CCSER1: variants seen among roughly 807,000 people sequenced by gnomAD.
CCSER1 encodes coiled-coil serine rich protein 1.
In CCSER1, 41 loss-of-function variants were observed where a neutral mutation model predicts 82.0. The observed-to-expected ratio is 0.50, with a 90% CI of 0.39 to 0.65. The LOEUF (loss-of-function observed/expected upper bound fraction) is 0.65. Among genes scored for constraint, CCSER1 ranks in the 30% least tolerant of loss-of-function variants. CCSER1 has a pLI of 0.00. For missense variants in CCSER1, 1,119 were observed against 1,064.2 expected, an observed-to-expected ratio of 1.05 and a Z score of -0.72; for synonymous variants, 414 against 383.9, an observed-to-expected ratio of 1.08 and a Z score of -0.92.
chr4:90,535,503 T>G (rs949817720), intron 5 of CCSER1, among the ~76,000 whole-genome samples: 1 of 152,164 alleles, frequency 6.6e-6, no homozygotes, highest in Non-Finnish European at 1.5e-5. Flanking sequence ...TTAAAGAGAA[T>G]TTTTTTAAAG....
intron 10 of CCSER1, among the ~76,000 whole-genome samples, chr4:91,408,969 C>T (rs1347632176): frequency 1.3e-5 from 2 of 152,106 alleles, no homozygotes; most frequent in East Asian, 1.9e-4. Context: ...TGATCACAAC[C>T]TCTGTGTCTT....
intron 10 of CCSER1, among the ~76,000 whole-genome samples, chr4:91,282,038 TA>T (rs925029397): frequency 9.2e-5 from 14 of 152,186 alleles, no homozygotes; most frequent in Admixed American, 3.9e-4. Context: ...CTTACAAAGT[TA>T]AAAAAAACTT....
chr4:90,355,067 A>G (rs1411591122), intron 3 of CCSER1, among the ~76,000 whole-genome samples: 1 of 152,058 alleles, frequency 6.6e-6, no homozygotes, highest in Non-Finnish European at 1.5e-5. Context: ...CAAATAGTTT[A>G]TTTCCTAAGA....
At chr4:91,418,303 T>TA (rs142070235) in intron 10 of CCSER1, among the ~76,000 whole-genome samples, 18,030 of 113,492 alleles carry the variant, frequency 0.16, 1,693 homozygotes, top group Middle Eastern at 0.24. Context: ...ATTTTTTAAT[T>TA]AAAAAAAAAA....
intron 10 of CCSER1, among the ~76,000 whole-genome samples, chr4:91,332,954 G>A (rs1000480422): frequency 6.6e-6 from 1 of 151,966 alleles, no homozygotes; most frequent in Admixed American, 6.6e-5. Flanking sequence ...TAAATTCACT[G>A]TCTCACATGC....
intron 5 of CCSER1, among the ~76,000 whole-genome samples, chr4:90,615,208 G>C (rs186125196): frequency 6.6e-6 from 1 of 152,248 alleles, no homozygotes; most frequent in African/African-American, 2.4e-5. Flanking sequence ...GGTCAACCAA[G>C]CATTCTGATG....
rs59808335 is a variant in CCSER1, at chr4:91,175,766, C to T, written c.2217+89772C>T. Among the ~76,000 whole-genome samples the T allele has an allele frequency of 4.4e-3, 677 of 152,268 alleles. 6 individuals carry two copies. The highest frequency in any genetic ancestry group is 0.016 in the African/African-American group (646 of 41,558). ...TAGATGGTAAAAATTTTCTCCCATT[C>T]TGTAGGTTGCCTATTCACTCTGATG... On this transcript the variant is annotated intron_variant, in intron 10 of 10. Coordinates refer to ENST00000509176, the MANE Select transcript of CCSER1 (RefSeq NM_001145065.2).
At chr4:90,377,022 T>G (rs1371593906) in intron 3 of CCSER1, among the ~76,000 whole-genome samples, 1 of 152,138 alleles carries the variant, frequency 6.6e-6, no homozygotes, top group East Asian at 1.9e-4. Context: ...TGTGCAAGTA[T>G]CATCTAGTTC....
chr4:90,967,528 T>C (rs1316656216), intron 9 of CCSER1, among the ~76,000 whole-genome samples: 1 of 152,016 alleles, frequency 6.6e-6, no homozygotes, highest in African/African-American at 2.4e-5. Flanking sequence ...GTTGGACACC[T>C]ACCTCACAAC....
chr4:91,006,421 G>A (rs1407495670), intron 9 of CCSER1, among the ~76,000 whole-genome samples: 1 of 151,064 alleles, frequency 6.6e-6, no homozygotes, highest in Admixed American at 6.6e-5. Context: ...TATATAAAAT[G>A]ATGTCATCTG....
chr4:90,220,444 A>G (rs1741926816), intron 1 of CCSER1, among the ~76,000 whole-genome samples: 1 of 151,358 alleles, frequency 6.6e-6, no homozygotes, highest in Non-Finnish European at 1.5e-5. Flanking sequence ...ACATGAATAT[A>G]TATTTCTTTT....
At chr4:91,434,886 GT>G (rs1406987752) in intron 10 of CCSER1, among the ~76,000 whole-genome samples, 1 of 152,152 alleles carries the variant, frequency 6.6e-6, no homozygotes, top group African/African-American at 2.4e-5. Flanking sequence ...ACATCAGATA[GT>G]TTTATGAGTC....
intron 5 of CCSER1, among the ~76,000 whole-genome samples, chr4:90,622,532 C>T (rs1023893836): frequency 6.6e-6 from 1 of 151,944 alleles, no homozygotes; most frequent in Admixed American, 6.6e-5. Context: ...GTTTTTTTGT[C>T]CTTGCGATAG....
intron 9 of CCSER1, among the ~76,000 whole-genome samples, chr4:91,027,730 G>A (rs1740618593): frequency 6.6e-6 from 1 of 151,972 alleles, no homozygotes; most frequent in African/African-American, 2.4e-5. Context: ...ATTTTAGTGA[G>A]GCATATTGCC....
chr4:90,296,247 G>C (rs1269297505), intron 1 of CCSER1, among the ~76,000 whole-genome samples: 1 of 152,072 alleles, frequency 6.6e-6, no homozygotes, highest in Non-Finnish European at 1.5e-5. Context: ...TGCAGTCAAA[G>C]TGATCAATGT....
chr4:90,852,178 A>G (rs1322525592), intron 8 of CCSER1, among the ~76,000 whole-genome samples: 1 of 152,214 alleles, frequency 6.6e-6, no homozygotes, highest in Non-Finnish European at 1.5e-5. Context: ...TAGGACTGAG[A>G]TAAAACAACT....
At chr4:91,008,889 A>G (rs922071621) in intron 9 of CCSER1, among the ~76,000 whole-genome samples, 2 of 152,162 alleles carry the variant, frequency 1.3e-5, no homozygotes, top group Admixed American at 1.3e-4. Flanking sequence ...ATCTTGGGCC[A>G]TGTGGTGAGT....
At chr4:90,978,659 G>A (rs1295690862) in intron 9 of CCSER1, among the ~76,000 whole-genome samples, 1 of 151,730 alleles carries the variant, frequency 6.6e-6, no homozygotes, top group Non-Finnish European at 1.5e-5. Context: ...CTCAAAATTA[G>A]ATTTTGTGAT....
chr4:91,198,251 C>G (rs562332133), intron 10 of CCSER1, among the ~76,000 whole-genome samples: 1 of 151,894 alleles, frequency 6.6e-6, no homozygotes, highest in South Asian at 2.1e-4. Flanking sequence ...GATGACACAC[C>G]AGAAATATAA....
Sources: gnomAD v4.1 joint callset for allele counts (sites outside exome capture counted in the v4.1 genomes callset) on GRCh38, gnomAD v4.1.1 for gene constraint, MANE v1.5 for transcripts, NCBI Gene and HGNC (gene_info 2026-07-23, HGNC 2026-07-21) for gene names.